LRRC7: variants seen among roughly 807,000 people sequenced by gnomAD.
LRRC7 encodes leucine-rich repeat-containing protein 7.
LRRC7 carries 23 observed loss-of-function variants against 175.7 expected under a neutral mutation model. The observed-to-expected ratio is 0.13, with a 90% confidence interval of 0.09 to 0.19. The LOEUF (loss-of-function observed/expected upper bound fraction) is 0.19. Ranked by LOEUF, LRRC7 falls within the 10% of genes least tolerant of loss-of-function variation. The probability of loss-of-function intolerance (pLI) is 1.00; values close to 1 mark genes in which losing one functional copy is unlikely to be tolerated. For missense variants in LRRC7, 1,354 were observed against 1,904.7 expected (o/e 0.71, Z 5.38); for synonymous variants, 685 against 680.9 (o/e 1.01, Z -0.09).
chr1:70,025,831 A>AGGG (rs550770075), intron 17 of LRRC7, among the ~76,000 whole-genome samples: 1 of 123,990 alleles, frequency 8.1e-6, no homozygotes, highest in African/African-American at 2.8e-5. Context: ...CCTCAATTTA[A>AGGG]GGGGGGGGGG....
intron 10 of LRRC7, among the ~76,000 whole-genome samples, chr1:69,993,587 A>T (rs1161602631): frequency 6.6e-6 from 1 of 152,084 alleles, no homozygotes; most frequent in South Asian, 2.1e-4. Flanking sequence ...GGAGAGTCAC[A>T]TTGGTATGTT....
intron 23 of LRRC7, among the ~76,000 whole-genome samples, chr1:70,063,485 C>A (rs549080796): frequency 1.6e-4 from 24 of 152,096 alleles, no homozygotes; most frequent in African/African-American, 3.6e-4. Context: ...GCTTATGGAC[C>A]AATGAAGTAA....
chr1:70,042,621 C>A lies in LRRC7; in HGVS notation c.3970-1333C>A, dbSNP rs558839103. On this transcript the variant is annotated intron_variant, in intron 21 of 26. Coordinates refer to ENST00000651989, the MANE Select transcript of LRRC7 (RefSeq NM_001370785.2). ...CTTTCACTGCAGAGCCACACTATGA[C>A]AGGGAATTTAAAACATGAACCCATA... is the stretch of plus-strand genomic sequence containing the variant. Among the ~76,000 whole-genome samples the A allele has an allele frequency of 7.9e-4, 121 of 152,282 alleles. 1 individual carries two copies. Among genetic ancestry groups the A allele is most frequent in the African/African-American group, 2.8e-3 (118 of 41,556 alleles).
intron 7 of LRRC7, among the ~76,000 whole-genome samples, chr1:69,877,018 T>C (rs1174773475): frequency 6.6e-6 from 1 of 152,036 alleles, no homozygotes; most frequent in Non-Finnish European, 1.5e-5. Flanking sequence ...AATTTTAAAA[T>C]GGGCAAAAGG....
intron 17 of LRRC7, among the ~76,000 whole-genome samples, chr1:70,027,672 A>G (rs942076667): frequency 1.2e-4 from 18 of 152,156 alleles, no homozygotes; most frequent in South Asian, 2.1e-4. Flanking sequence ...GCTAATGCCT[A>G]TTTAGGCAGC....
At chr1:69,847,745 A>G (rs567897339) in intron 7 of LRRC7, among the ~76,000 whole-genome samples, 1 of 151,892 alleles carries the variant, frequency 6.6e-6, no homozygotes, top group Non-Finnish European at 1.5e-5. Context: ...TTTCTTAATA[A>G]CGCTTGCCTG....
intron 7 of LRRC7, among the ~76,000 whole-genome samples, chr1:69,909,228 G>A (rs1406515320): frequency 6.6e-6 from 1 of 152,134 alleles, no homozygotes; most frequent in South Asian, 2.1e-4. Context: ...TATCCAATTT[G>A]CCAGTCTGTG....
intron 1 of LRRC7, among the ~76,000 whole-genome samples, chr1:69,612,752 A>G (rs1285336400): frequency 1.3e-5 from 2 of 152,112 alleles, no homozygotes; most frequent in East Asian, 3.9e-4. Flanking sequence ...CCGTAACTGA[A>G]ACATATGTAT....
At chr1:69,924,215 A>G (rs1313564423) in intron 7 of LRRC7, among the ~76,000 whole-genome samples, 1 of 152,038 alleles carries the variant, frequency 6.6e-6, no homozygotes, top group African/African-American at 2.4e-5. Context: ...GCCTTGTAGT[A>G]TAGTTTGAAG....
intron 25 of LRRC7, among the ~76,000 whole-genome samples, chr1:70,102,042 G>T (rs577721594): frequency 6.6e-6 from 1 of 152,316 alleles, no homozygotes; most frequent in East Asian, 1.9e-4. Flanking sequence ...AGTCACTAAA[G>T]AACCCGATGT....
chr1:69,666,915 G>C (rs1323216430), intron 1 of LRRC7, among the ~76,000 whole-genome samples: 1 of 151,886 alleles, frequency 6.6e-6, no homozygotes, highest in Admixed American at 6.6e-5. Context: ...TTTATTTGAA[G>C]TTTTTCTTTT....
chr1:69,731,851 A>G (rs1263254617), intron 2 of LRRC7, among the ~76,000 whole-genome samples: 1 of 152,222 alleles, frequency 6.6e-6, no homozygotes, highest in Non-Finnish European at 1.5e-5. Context: ...TAGGAGCTAC[A>G]TTATTACAAG....
intron 1 of LRRC7, among the ~76,000 whole-genome samples, chr1:69,672,037 C>T (rs1000494554): frequency 6.6e-6 from 1 of 152,030 alleles, no homozygotes; most frequent in Non-Finnish European, 1.5e-5. Context: ...ACTTTAAGTT[C>T]TAGGGCACAT....
chr1:70,105,575 C>T (rs563398551), intron 25 of LRRC7, among the ~76,000 whole-genome samples: 4 of 152,288 alleles, frequency 2.6e-5, no homozygotes, highest in Admixed American at 1.3e-4. Context: ...TTTCACTAAA[C>T]ATTTGTGTAC....
In LRRC7 at chr1:69,643,569, A is replaced by G. The variant is rs143512674; in HGVS notation, c.3-34812A>G. Among the ~76,000 whole-genome samples, 7 of 152,206 alleles carry G rather than the reference A, an allele frequency of 4.6e-5. No individual in the cohort carries two copies. In the East Asian group the frequency reaches 1.2e-3, roughly 25 times the overall value. On this transcript the variant is annotated intron_variant, in intron 1 of 26. Transcript: ENST00000651989. The stretch of plus-strand genomic sequence containing the variant: ...TTTGCAGTTCAAGTCCTCTTTCCCA[A>G]TGATGAGCAATATGTCTTATTAACC...
intron 1 of LRRC7, among the ~76,000 whole-genome samples, chr1:69,654,371 T>G (rs1197834631): frequency 6.6e-6 from 1 of 152,108 alleles, no homozygotes; most frequent in Admixed American, 6.6e-5. Context: ...TATAATAATG[T>G]AAACTGCTGA....
At chr1:69,930,291 AT>A (rs1388769222) in intron 7 of LRRC7, among the ~76,000 whole-genome samples, 2 of 151,876 alleles carry the variant, frequency 1.3e-5, no homozygotes, top group Non-Finnish European at 2.9e-5. Context: ...AGAGTACATA[AT>A]TTTTTTGCAT....
chr1:69,635,918 AAC>A (rs1653280356), intron 1 of LRRC7, among the ~76,000 whole-genome samples: 1 of 152,058 alleles, frequency 6.6e-6, no homozygotes, highest in African/African-American at 2.4e-5. Context: ...AAATGAGCAA[AAC>A]ACATATCAAT....
chr1:69,753,170 G>T (rs12066367), intron 2 of LRRC7, among the ~76,000 whole-genome samples: 3,314 of 152,044 alleles, frequency 0.022, 132 homozygotes, highest in African/African-American at 0.075. Flanking sequence ...CCACCATATT[G>T]TATGCTCATC....
Sources: allele counts gnomAD v4.1 joint callset (sites outside exome capture counted in the v4.1 genomes callset), GRCh38; gene constraint gnomAD v4.1.1; transcripts MANE v1.5; gene names NCBI Gene and HGNC (gene_info 2026-07-23, HGNC 2026-07-21).